SMURF2: variants seen among roughly 807,000 people sequenced by gnomAD.
The protein encoded by SMURF2 is E3 ubiquitin-protein ligase SMURF2.
In SMURF2, 48 loss-of-function variants were observed where a neutral mutation model predicts 109.6. The ratio of observed to expected loss-of-function variants is 0.44; its 90% confidence interval spans 0.35 to 0.56. SMURF2 has a LOEUF of 0.56. SMURF2 is among the 20% of genes least tolerant of loss of function. The probability of loss-of-function intolerance (pLI) is 0.01; values close to 1 mark genes in which losing one functional copy is unlikely to be tolerated. For missense variants in SMURF2, 575 were observed against 909.0 expected (o/e 0.63, Z 4.72); for synonymous variants, 288 against 317.1 (o/e 0.91, Z 0.97).
intron 5 of SMURF2, among the ~76,000 whole-genome samples, chr17:64,588,504 G>A (rs782545325): frequency 1.3e-5 from 2 of 151,988 alleles, no homozygotes; most frequent in Non-Finnish European, 2.9e-5. Flanking sequence ...ATGGTTAAGT[G>A]AAAGAAAGCA....
intron 13 of SMURF2, 98 bp from the exon 14 acceptor site, chr17:64,556,096 G>A: frequency 1.1e-6 from 1 of 935,914 alleles, no homozygotes; most frequent in Non-Finnish European, 1.6e-6. Context: ...TTGAGAATAA[G>A]CATAAAATTT....
chr17:64,661,808 C>T (rs1336821902), intron 1 of SMURF2, 21 bp downstream of exon 1: 1 of 1,220,034 alleles, frequency 8.2e-7, no homozygotes, highest in South Asian at 4.1e-5. Context: ...CTGCCCAGCC[C>T]GGCCCGCCGC....
intron 2 of SMURF2, among the ~76,000 whole-genome samples, chr17:64,603,920 A>G (rs781854492): frequency 3.3e-5 from 5 of 152,198 alleles, no homozygotes; most frequent in African/African-American, 7.2e-5. Flanking sequence ...TCATCACCCT[A>G]TAGTCGTACT....
At chr17:64,574,664 T>C (rs905801007) in intron 9 of SMURF2, among the ~76,000 whole-genome samples, 36 of 152,202 alleles carry the variant, frequency 2.4e-4, no homozygotes, top group African/African-American at 7.7e-4. Flanking sequence ...ATTTGGGGGA[T>C]ACAGAATAAG....
intron 5 of SMURF2, among the ~76,000 whole-genome samples, chr17:64,586,972 T>C (rs1210202736): frequency 2.0e-5 from 3 of 151,924 alleles, no homozygotes; most frequent in Non-Finnish European, 4.4e-5. Context: ...GAGACTAGCC[T>C]GGCAAACATG....
chr17:64,570,160 T>G (rs1367455171), intron 10 of SMURF2, among the ~76,000 whole-genome samples: 1 of 152,212 alleles, frequency 6.6e-6, no homozygotes, highest in East Asian at 1.9e-4. Flanking sequence ...TCATTTAAAT[T>G]TTTTGCTTTA....
intron 17 of SMURF2, 33 bp from the exon 18 acceptor site, chr17:64,546,371 G>A: frequency 6.3e-7 from 1 of 1,586,544 alleles, no homozygotes. Flanking sequence ...TGAAATCACT[G>A]CAGGTGCGTG....
At chr17:64,599,486 C>T (rs1377910832) in intron 2 of SMURF2, among the ~76,000 whole-genome samples, 1 of 152,204 alleles carries the variant, frequency 6.6e-6, no homozygotes, top group Non-Finnish European at 1.5e-5. Flanking sequence ...AGGCAGGCGT[C>T]TCCAACCTCT....
intron 1 of SMURF2, among the ~76,000 whole-genome samples, chr17:64,614,874 T>C (rs1416679925): frequency 1.3e-5 from 2 of 152,198 alleles, no homozygotes; most frequent in Non-Finnish European, 2.9e-5. Context: ...ATGTCATAAA[T>C]GCCTTTTATT....
intron 12 of SMURF2, among the ~76,000 whole-genome samples, chr17:64,559,982 G>A (rs1255369672): frequency 6.6e-6 from 1 of 151,402 alleles, no homozygotes; most frequent in Non-Finnish European, 1.5e-5. Flanking sequence ...TCAATCTCTT[G>A]ACCTCGTGAT....
rs1555683648 is a variant in SMURF2 at position 64,551,740 on chromosome 17, G to A, written c.1749-36C>T. ...TCGGCAGGATTTCGTATAATCACATGTATTTTCAGATCTGGTAATTATTAT... is the reference window on the plus strand; with the variant it reads ...TCGGCAGGATTTCGTATAATCACATATATTTTCAGATCTGGTAATTATTAT... On this transcript the variant is annotated intron_variant, in intron 15 of 18. Transcript: ENST00000262435. 4.3e-6 allele frequency: 7 copies of A among 1,609,724 alleles called. No individual in the cohort carries two copies. The African/African-American group carries it at 8.0e-5, about 18-fold the overall frequency.
At chr17:64,602,957 TC>T (rs1969918671) in intron 2 of SMURF2, among the ~76,000 whole-genome samples, 1 of 151,674 alleles carries the variant, frequency 6.6e-6, no homozygotes, top group Non-Finnish European at 1.5e-5. Flanking sequence ...TTGTCTCAAT[TC>T]TCCCCCATCA....
At chr17:64,569,116 G>A (rs904325606) in intron 10 of SMURF2, among the ~76,000 whole-genome samples, 2 of 151,746 alleles carry the variant, frequency 1.3e-5, no homozygotes, top group South Asian at 2.1e-4. Flanking sequence ...TCTGGGCAAC[G>A]CGGTGAAACC....
At chr17:64,589,870 C>T (rs1299982536) in intron 5 of SMURF2, among the ~76,000 whole-genome samples, 35 of 152,056 alleles carry the variant, frequency 2.3e-4, no homozygotes, top group Non-Finnish European at 1.0e-4. Flanking sequence ...ACCTCCACCC[C>T]CAGCCTGGTC....
intron 10 of SMURF2, 88 bp downstream of exon 10, chr17:64,571,710 T>G: frequency 7.4e-7 from 1 of 1,348,662 alleles, no homozygotes; most frequent in Non-Finnish European, 1.0e-6. Context: ...TGAGCCACTG[T>G]ATCGAGACTC....
intron 1 of SMURF2, among the ~76,000 whole-genome samples, chr17:64,607,617 C>T (rs1466749400): frequency 2.2e-5 from 3 of 138,726 alleles, no homozygotes; most frequent in African/African-American, 5.9e-5. Flanking sequence ...CAGAGCAAGA[C>T]TGTCTCAAAA....
At position 64,546,349 on chromosome 17, in the gene SMURF2, A is replaced by G. The variant is rs1555683112; in HGVS notation, c.2072-11T>C. The G allele has an allele frequency of 6.2e-7, 1 of 1,613,212 alleles. No individual in the cohort carries two copies. The highest frequency in any genetic ancestry group is 1.7e-5 in the Admixed American group (1 of 59,928). On this transcript the variant is annotated splice_polypyrimidine_tract_variant and intron_variant, in intron 17 of 18. Transcript: ENST00000262435. ...TCGGGCCTGCAGCACCTGCAAATGA[A>G]GGAAATGTGGATGAAATCACTGCAG... is the stretch of plus-strand genomic sequence containing the variant.
At chr17:64,648,722 TA>T (rs1555693212) in intron 1 of SMURF2, among the ~76,000 whole-genome samples, 1 of 152,108 alleles carries the variant, frequency 6.6e-6, no homozygotes, top group East Asian at 1.9e-4. Context: ...TAGTGAGCCA[TA>T]AGCCTGAGCG....
chr17:64,615,610 C>T (rs928971773), intron 1 of SMURF2, among the ~76,000 whole-genome samples: 3 of 152,164 alleles, frequency 2.0e-5, no homozygotes, highest in African/African-American at 7.2e-5. Context: ...AAAACTTCTA[C>T]ACAATTTTTT....
Sources: allele counts gnomAD v4.1 joint callset (sites outside exome capture counted in the v4.1 genomes callset), GRCh38; gene constraint gnomAD v4.1.1; transcripts MANE v1.5; gene names NCBI Gene and HGNC (gene_info 2026-07-23, HGNC 2026-07-21).